Variants in CREB1 observed in about 807,000 individuals in gnomAD.
CREB1 encodes cyclic AMP-responsive element-binding protein 1.
Under a neutral mutation model 42.0 loss-of-function variants are expected in CREB1, and 2 were observed. The ratio of observed to expected loss-of-function variants is 0.05; its 90% CI spans 0.02 to 0.15. The LOEUF is 0.15. Among genes scored for constraint, CREB1 ranks in the 10% least tolerant of loss-of-function variants. CREB1 has a pLI of 1.00. For synonymous variants in CREB1, 123 were observed against 139.9 expected, an observed-to-expected ratio of 0.88 and a Z score of 0.85; for missense variants, 199 against 388.9, an observed-to-expected ratio of 0.51 and a Z score of 4.11.
At chr2:207,558,269 A>G (rs1322178421) in intron 2 of CREB1, among the ~76,000 whole-genome samples, 1 of 152,224 alleles carries the variant, frequency 6.6e-6, no homozygotes, top group African/African-American at 2.4e-5. Context: ...CTGCTAAAAT[A>G]AACATCTCTA....
intron 7 of CREB1, among the ~76,000 whole-genome samples, chr2:207,582,319 A>C (rs1430140215): frequency 6.6e-6 from 1 of 152,202 alleles, no homozygotes; most frequent in Non-Finnish European, 1.5e-5. Context: ...AATCTTGTCT[A>C]CAGTAATTAT....
At chr2:207,540,824 T>A (rs967158182) in intron 1 of CREB1, among the ~76,000 whole-genome samples, 1 of 152,166 alleles carries the variant, frequency 6.6e-6, no homozygotes, top group Non-Finnish European at 1.5e-5. Context: ...CTATGTGTTA[T>A]TACAAAAGAG....
chr2:207,538,931 G>T (rs2080982684), intron 1 of CREB1, among the ~76,000 whole-genome samples: 1 of 152,130 alleles, frequency 6.6e-6, no homozygotes, highest in East Asian at 1.9e-4. Flanking sequence ...CATTATTTTT[G>T]AGGGCTGTTA....
At chr2:207,551,886 A>G (rs1215266500) in intron 1 of CREB1, among the ~76,000 whole-genome samples, 1 of 151,808 alleles carries the variant, frequency 6.6e-6, no homozygotes, top group Non-Finnish European at 1.5e-5. Flanking sequence ...TACTAAAAAT[A>G]TAAAAAATTA....
chr2:207,543,386 A>G (rs893105534), intron 1 of CREB1, among the ~76,000 whole-genome samples: 1 of 152,190 alleles, frequency 6.6e-6, no homozygotes, highest in Non-Finnish European at 1.5e-5. Context: ...AAACTCTACC[A>G]TATTTGGGAA....
chr2:207,569,007 T>C (rs993316217), intron 4 of CREB1, among the ~76,000 whole-genome samples: 1 of 151,574 alleles, frequency 6.6e-6, no homozygotes, highest in African/African-American at 2.4e-5. Context: ...CCATCCTGAT[T>C]TTTTTCCTTG....
intron 1 of CREB1, among the ~76,000 whole-genome samples, chr2:207,552,688 C>T (rs1196298768): frequency 6.6e-6 from 1 of 151,582 alleles, no homozygotes; most frequent in Non-Finnish European, 1.5e-5. Flanking sequence ...TTACTACAAC[C>T]TCCGCCTCCC....
intron 2 of CREB1, among the ~76,000 whole-genome samples, chr2:207,560,012 G>C (rs898680189): frequency 1.3e-5 from 2 of 152,102 alleles, no homozygotes; most frequent in Non-Finnish European, 1.5e-5. Context: ...TTGTCACTTG[G>C]GAAGAGCTGA....
At chr2:207,562,683 A>G (rs772060140) in intron 3 of CREB1, among the ~76,000 whole-genome samples, 2 of 152,200 alleles carry the variant, frequency 1.3e-5, no homozygotes, top group Non-Finnish European at 2.9e-5. Context: ...TTTAATAGTT[A>G]TCTTAGCCAG....
At chr2:207,575,590 T>A in intron 6 of CREB1, 136 bp downstream of exon 6, 1 of 749,690 alleles carries the variant, frequency 1.3e-6, no homozygotes, top group Non-Finnish European at 2.1e-6. Context: ...TTGATAGTAT[T>A]TTTCATGAAC....
intron 7 of CREB1, among the ~76,000 whole-genome samples, chr2:207,582,317 C>T (rs1324730643): frequency 6.6e-6 from 1 of 152,158 alleles, no homozygotes; most frequent in Admixed American, 6.5e-5. Context: ...TAAATCTTGT[C>T]TACAGTAATT....
At position 207,577,432 on chromosome 2, in the gene CREB1, T is replaced by C. The variant is rs2082638836; in HGVS notation, c.689-73T>C. 4.5e-6 allele frequency: 7 copies of C among 1,550,706 alleles called. No individual in the cohort carries two copies. In the East Asian group the frequency reaches 1.6e-4, roughly 35 times the overall value. On this transcript the variant is annotated intron_variant, in intron 6 of 7. Coordinates refer to ENST00000353267, the MANE Select transcript of CREB1 (RefSeq NM_004379.5). ...TTTTAGTCCAAAATACATGCTTAGATTGATGATTGATACACATAATTGAAT... is the reference window on the plus strand; with the variant it reads ...TTTTAGTCCAAAATACATGCTTAGACTGATGATTGATACACATAATTGAAT...
chr2:207,602,272 C>T lies in CREB1; in HGVS notation c.*5214C>T, dbSNP rs1050085263. ...ATATATAAATAAAATAGAACAAAGCCGGTGATGCAAGTTGATATTATAAAC... is the reference window on the plus strand; with the variant it reads ...ATATATAAATAAAATAGAACAAAGCTGGTGATGCAAGTTGATATTATAAAC... On this transcript the variant is annotated 3_prime_UTR_variant, in exon 8 of 8. Coordinates refer to ENST00000353267, the MANE Select transcript of CREB1 (RefSeq NM_004379.5). 9.0e-5 allele frequency: 17 copies of T among 188,990 alleles called. No individual in the cohort carries two copies. The highest frequency in any genetic ancestry group is 6.2e-4 in the Admixed American group (10 of 16,144). 11.7% of individuals were successfully genotyped at this position (188,990 alleles called of 1,614,324 possible). A position where few individuals can be genotyped will look rare whatever the true frequency, so the allele number is the denominator to read the frequency against.
chr2:207,575,493 C>A, intron 6 of CREB1, 39 bp downstream of exon 6: 2 of 1,504,770 alleles, frequency 1.3e-6, no homozygotes, highest in Non-Finnish European at 1.8e-6. Context: ...GTAAATTCTT[C>A]AAAATACTAA....
At chr2:207,586,698 C>T (rs892251668) in intron 7 of CREB1, among the ~76,000 whole-genome samples, 8 of 152,014 alleles carry the variant, frequency 5.3e-5, no homozygotes, top group Non-Finnish European at 8.8e-5. Context: ...GGAACTCAAC[C>T]GAACAGGAAA....
chr2:207,602,864 T>C lies in CREB1; in HGVS notation c.*5806T>C, dbSNP rs934942462. 66 of 218,142 alleles carry C rather than the reference T, an allele frequency of 3.0e-4. No homozygotes were observed. Among genetic ancestry groups the C allele is most frequent in the African/African-American group, 1.3e-3 (59 of 44,650 alleles). 13.5% of individuals were successfully genotyped at this position (218,142 alleles called of 1,614,324 possible). ...CCATGTAAAGTTGTCCTTGACTGATTTGTCCACATGTCAGTTGTAACTCCC... is the reference window on the plus strand; with the variant it reads ...CCATGTAAAGTTGTCCTTGACTGATCTGTCCACATGTCAGTTGTAACTCCC... On this transcript the variant is annotated 3_prime_UTR_variant, in exon 8 of 8. Transcript: ENST00000353267.
chr2:207,590,097 T>TG (rs1420817915), intron 7 of CREB1, among the ~76,000 whole-genome samples: 2 of 143,108 alleles, frequency 1.4e-5, no homozygotes, highest in Non-Finnish European at 3.1e-5. Context: ...TTTTTTTTTT[T>TG]TTTTTTTTTT....
chr2:207,542,865 C>T (rs1029063122), intron 1 of CREB1, among the ~76,000 whole-genome samples: 5 of 152,180 alleles, frequency 3.3e-5, no homozygotes, highest in Non-Finnish European at 7.4e-5. Context: ...CTCAGGCCTT[C>T]CCTTTATTCT....
At position 207,604,170 on chromosome 2, in the gene CREB1, G is replaced by C. The variant is rs1200445057; in HGVS notation, c.*7112G>C. Among the ~76,000 whole-genome samples, 1 of 152,206 alleles carries C rather than the reference G, an allele frequency of 6.6e-6. No homozygotes were observed. The highest frequency in any genetic ancestry group is 2.4e-5 in the African/African-American group (1 of 41,450). On this transcript the variant is annotated 3_prime_UTR_variant, in exon 8 of 8. Coordinates refer to ENST00000353267, the MANE Select transcript of CREB1 (RefSeq NM_004379.5). Reference sequence around the variant, plus strand: ...TCAGGTGCTTGGACCTTCAGGAAAAGATTGCCCATCTTGTCATTTGACCAG... The same window carrying C: ...TCAGGTGCTTGGACCTTCAGGAAAACATTGCCCATCTTGTCATTTGACCAG...
Sources: gnomAD v4.1 joint callset for allele counts (sites outside exome capture counted in the v4.1 genomes callset) on GRCh38, gnomAD v4.1.1 for gene constraint, MANE v1.5 for transcripts, NCBI Gene and HGNC (gene_info 2026-07-23, HGNC 2026-07-21) for gene names.